The following ITGB2 variants were observed in gnomAD, a reference collection of about 807,000 sequenced individuals.
The protein encoded by ITGB2 is integrin subunit beta 2.
ITGB2 carries 56 observed loss-of-function variants against 86.8 expected under a neutral mutation model. The ratio of observed to expected loss-of-function variants is 0.65; its 90% confidence interval spans 0.52 to 0.81. ITGB2 has a LOEUF of 0.81. Ranked by LOEUF, ITGB2 falls within the 30% of genes least tolerant of loss-of-function variation. The probability of loss-of-function intolerance (pLI) is 0.00; values close to 1 mark genes in which losing one functional copy is unlikely to be tolerated. For missense variants in ITGB2, 948 were observed against 1,061.2 expected, an observed-to-expected ratio of 0.89 and a Z score of 1.48; for synonymous variants, 457 against 450.4, an observed-to-expected ratio of 1.01 and a Z score of -0.19.
intron 4 of ITGB2, among the ~76,000 whole-genome samples, chr21:44,904,324 A>G (rs753799454): frequency 1.3e-5 from 2 of 152,026 alleles, no homozygotes; most frequent in African/African-American, 4.8e-5. Flanking sequence ...ACTCCTACAC[A>G]TAAATACACC....
intron 1 of ITGB2, among the ~76,000 whole-genome samples, chr21:44,917,167 T>A (rs776026901): frequency 3.3e-5 from 5 of 152,180 alleles, no homozygotes; most frequent in Non-Finnish European, 7.4e-5. Context: ...TCAGCCAAAA[T>A]ATCTTGATTC....
chr21:44,925,827 C>T (rs928599739), upstream of ITGB2, among the ~76,000 whole-genome samples: 2 of 152,150 alleles, frequency 1.3e-5, no homozygotes, highest in African/African-American at 4.8e-5. Flanking sequence ...GCCTGTAATC[C>T]CAGCACTTTT....
At position 44,886,868 on chromosome 21, in the gene ITGB2, G is replaced by C. The variant is rs764298144; in HGVS notation, c.2115C>G (p.Val705=). 1.2e-6 allele frequency: 2 copies of C among 1,613,536 alleles called. No homozygotes were observed. Among genetic ancestry groups the C allele is most frequent in the Non-Finnish European group, 1.7e-6 (2 of 1,180,020 alleles). ...CVAGPNIAAI[V]GGTVAGIVLI... is the part of the protein sequence containing the mutation. ...GCACGATGCCTGCCACGGTGCCCCCGACGATGGCGGCGATGTTGGGGCCTG... is the reference window on the plus strand; with the variant it reads ...GCACGATGCCTGCCACGGTGCCCCCCACGATGGCGGCGATGTTGGGGCCTG... Residue 705 remains valine, a synonymous_variant, in exon 15 of 16, where the codon GTC becomes GTG. Transcript: ENST00000652462.
chr21:44,914,264 C>T (rs1040271985), intron 1 of ITGB2: 3 of 152,476 alleles, frequency 2.0e-5, no homozygotes, highest in Admixed American at 2.0e-4. Context: ...CTCTCAGAAC[C>T]TTGCATCAGA....
At chr21:44,896,497 G>A (rs2083873085) in intron 8 of ITGB2, among the ~76,000 whole-genome samples, 1 of 152,190 alleles carries the variant, frequency 6.6e-6, no homozygotes, top group African/African-American at 2.4e-5. Context: ...GCAGATGGTC[G>A]GGTCACCTCC....
At chr21:44,905,738 C>T (rs2084032794) in intron 4 of ITGB2, among the ~76,000 whole-genome samples, 1 of 152,128 alleles carries the variant, frequency 6.6e-6, no homozygotes, top group African/African-American at 2.4e-5. Context: ...CTGCTGCCCC[C>T]AGGGACACCT....
chr21:44,892,103 G>T lies in ITGB2; in HGVS notation c.1225-107C>A. The T allele has an allele frequency of 9.8e-6, 11 of 1,126,886 alleles. 1 individual carries two copies. In the South Asian group the frequency reaches 1.0e-4, roughly 11 times the overall value. The allele number at this position is 1,126,886 out of a possible 1,614,324, so 69.8% of individuals were successfully genotyped here. ...CTGCAGGGGTCCTGGGGGGTTCAGC[G>T]TGGGGAGGAAGGGGTGACCAGGAGC... On this transcript the variant is annotated intron_variant, in intron 10 of 15. Transcript: ENST00000652462.
intron 12 of ITGB2, among the ~76,000 whole-genome samples, 183 bp downstream of exon 12, chr21:44,889,795 G>A (rs2083758453): frequency 1.3e-5 from 2 of 152,200 alleles, no homozygotes; most frequent in South Asian, 4.1e-4. Flanking sequence ...CAGAAACTGA[G>A]GCAGGGCGGG....
chr21:44,913,746 C>A (rs935136375), intron 1 of ITGB2, among the ~76,000 whole-genome samples: 6 of 152,208 alleles, frequency 3.9e-5, no homozygotes, highest in Admixed American at 3.9e-4. Context: ...GGATGGCCCA[C>A]GGAGGTCCAG....
At chr21:44,902,192 G>A (rs1243071094) in intron 5 of ITGB2, among the ~76,000 whole-genome samples, 1 of 152,256 alleles carries the variant, frequency 6.6e-6, no homozygotes, top group African/African-American at 2.4e-5. Flanking sequence ...ATGTGGGCAT[G>A]TGTGTTTATG....
upstream of ITGB2, among the ~76,000 whole-genome samples, chr21:44,925,861 G>A (rs764025510): frequency 1.3e-5 from 2 of 152,282 alleles, no homozygotes; most frequent in African/African-American, 2.4e-5. Context: ...GGTGGATCAC[G>A]AGGTCAGGAG....
At position 44,910,572 on chromosome 21, in the gene ITGB2, G is replaced by A. The variant is rs75043585; in HGVS notation, c.58+153C>T. 3,073 of 1,378,480 alleles carry A rather than the reference G, an allele frequency of 2.2e-3. 65 individuals are homozygous for A. The African/African-American group carries it at 0.039, about 18-fold the overall frequency. The allele number at this position is 1,378,480 out of a possible 1,614,324, so 85.4% of individuals were successfully genotyped here. On this transcript the variant is annotated intron_variant, in intron 2 of 15. Coordinates refer to ENST00000652462, the MANE Select transcript of ITGB2 (RefSeq NM_000211.5). ...ACAGCTACAGCCTCCTGGCACGTGC[G>A]GAGACGAGGCCTGAGTCCCCGACCT...
intron 14 of ITGB2, among the ~76,000 whole-genome samples, chr21:44,888,419 G>A (rs1192923919): frequency 2.0e-5 from 3 of 152,270 alleles, no homozygotes; most frequent in African/African-American, 4.8e-5. Context: ...GGGCCTGCCC[G>A]GTGTGGAGCA....
intron 1 of ITGB2, among the ~76,000 whole-genome samples, chr21:44,913,097 C>T (rs1217828449): frequency 0.012 from 1,498 of 124,408 alleles, 70 homozygotes; most frequent in African/African-American, 0.043. Context: ...TTCAGGACTC[C>T]CCCAGGGTGC....
rs115673877 is a variant in ITGB2, at chr21:44,898,880, C to T, written c.993+187G>A. On this transcript the variant is annotated intron_variant, in intron 8 of 15. Coordinates refer to ENST00000652462, the MANE Select transcript of ITGB2 (RefSeq NM_000211.5). ...GGAGGAATTCCTCCTCCTATCGACA[C>T]GCAGGCGTCCTGTCCCCGACGGGAA... is the stretch of plus-strand genomic sequence containing the variant. 2.8e-3 allele frequency among the ~76,000 whole-genome samples: 426 copies of T among 152,328 alleles called. 2 individuals carry two copies. Among genetic ancestry groups the T allele is most frequent in the African/African-American group, 9.7e-3 (405 of 41,572 alleles).
chr21:44,912,361 G>T (rs893332934), intron 1 of ITGB2, among the ~76,000 whole-genome samples: 1 of 152,210 alleles, frequency 6.6e-6, no homozygotes, highest in Non-Finnish European at 1.5e-5. Context: ...CCTGTGCTGG[G>T]GGCTCTGAGG....
At chr21:44,888,981 G>C (rs2083742014) in intron 13 of ITGB2, 86 bp from the exon 14 acceptor site, 1 of 1,252,398 alleles carries the variant, frequency 8.0e-7, no homozygotes, top group African/African-American at 1.5e-5. Context: ...GTGTCCACCA[G>C]GGGGGGCAGG....
At chr21:44,900,627 C>A in intron 6 of ITGB2, 152 bp from the exon 7 acceptor site, 1 of 884,948 alleles carries the variant, frequency 1.1e-6, no homozygotes, top group Non-Finnish European at 1.7e-6. Flanking sequence ...AGCTGTGTTC[C>A]CCCAGACGCC....
At chr21:44,903,211 G>A (rs946106035) in intron 5 of ITGB2, among the ~76,000 whole-genome samples, 154 bp downstream of exon 5, 1 of 152,138 alleles carries the variant, frequency 6.6e-6, no homozygotes, top group Non-Finnish European at 1.5e-5. Flanking sequence ...GAGGCAGGCC[G>A]ACTGCAGCCC....
Sources: gnomAD v4.1 joint callset for allele counts (sites outside exome capture counted in the v4.1 genomes callset) on GRCh38, gnomAD v4.1.1 for gene constraint, MANE v1.5 for transcripts, NCBI Gene and HGNC (gene_info 2026-07-23, HGNC 2026-07-21) for gene names.